RBFOX1: variants seen among roughly 807,000 people sequenced by gnomAD.
RBFOX1 encodes the protein RNA binding fox-1 homolog 1.
RBFOX1 carries 8 observed loss-of-function variants against 57.7 expected under a neutral mutation model. That is an observed-to-expected ratio of 0.14 (90% CI 0.08 to 0.25). The LOEUF (loss-of-function observed/expected upper bound fraction) is 0.25, where lower values mean the gene tolerates loss of function less well. Among genes scored for constraint, RBFOX1 ranks in the 10% least tolerant of loss-of-function variants. The probability of loss-of-function intolerance (pLI) is 1.00; values close to 1 mark genes in which losing one functional copy is unlikely to be tolerated. For missense variants in RBFOX1, 611 were observed against 548.5 expected (o/e 1.11, Z -1.14); for synonymous variants, 326 against 222.4 (o/e 1.47, Z -4.15).
chr16:6,303,249 G>T (rs962714446), intron 1 of RBFOX1, among the ~76,000 whole-genome samples: 1 of 152,054 alleles, frequency 6.6e-6, no homozygotes, highest in Non-Finnish European at 1.5e-5. Context: ...GATCACTTCA[G>T]TGCCATTTTC....
chr16:6,103,406 G>C (rs147638056), intron 1 of RBFOX1, among the ~76,000 whole-genome samples: 22 of 152,022 alleles, frequency 1.4e-4, no homozygotes, highest in African/African-American at 5.1e-4. Context: ...GATGTATCAC[G>C]GTCACACAAT....
intron 11 of RBFOX1, among the ~76,000 whole-genome samples, chr16:7,638,757 G>A (rs773082772): frequency 3.9e-5 from 6 of 152,118 alleles, no homozygotes; most frequent in Admixed American, 1.3e-4. Flanking sequence ...AAACATGAAT[G>A]AATAGGCGTG....
At chr16:5,893,884 C>T (rs747917853) in intron 4 of RBFOX1, among the ~76,000 whole-genome samples, 1 of 151,568 alleles carries the variant, frequency 6.6e-6, no homozygotes, top group African/African-American at 2.4e-5. Flanking sequence ...TAAACATAAA[C>T]AAGTAAAGTG....
intron 4 of RBFOX1, among the ~76,000 whole-genome samples, chr16:7,192,943 C>A (rs964339930): frequency 6.6e-6 from 1 of 152,206 alleles, no homozygotes; most frequent in Non-Finnish European, 1.5e-5. Flanking sequence ...AGAGAAAGAT[C>A]TCTTCCCCTC....
At chr16:7,115,578 C>A (rs2065721879) in intron 4 of RBFOX1, among the ~76,000 whole-genome samples, 1 of 152,134 alleles carries the variant, frequency 6.6e-6, no homozygotes, top group Non-Finnish European at 1.5e-5. Flanking sequence ...TGTTAGCAGG[C>A]TGGAAGTTTG....
intron 5 of RBFOX1, among the ~76,000 whole-genome samples, chr16:7,548,394 T>G (rs1762977290): frequency 6.6e-6 from 1 of 152,152 alleles, no homozygotes; most frequent in South Asian, 2.1e-4. Context: ...CAACCTCAGG[T>G]GATCCACCGG....
chr16:7,557,206 G>A (rs1175780395), intron 5 of RBFOX1, among the ~76,000 whole-genome samples: 2 of 152,110 alleles, frequency 1.3e-5, no homozygotes, highest in Admixed American at 1.3e-4. Context: ...CTCGAACCCA[G>A]GTGTTTCTTC....
chr16:6,062,749 GA>G (rs2095705578), intron 1 of RBFOX1, among the ~76,000 whole-genome samples: 1 of 151,320 alleles, frequency 6.6e-6, no homozygotes, highest in African/African-American at 2.4e-5. Context: ...GTATCTCTTT[GA>G]CTATCACTGT....
chr16:6,410,379 T>C (rs2093421182), intron 2 of RBFOX1, among the ~76,000 whole-genome samples: 1 of 146,108 alleles, frequency 6.8e-6, no homozygotes, highest in Non-Finnish European at 1.5e-5. Flanking sequence ...TGGCGCGAAC[T>C]TGACTCACTG....
intron 2 of RBFOX1, among the ~76,000 whole-genome samples, chr16:6,420,493 G>A (rs1018689194): frequency 6.6e-6 from 1 of 152,162 alleles, no homozygotes; most frequent in East Asian, 1.9e-4. Context: ...GTCTTTTGAA[G>A]AGATGTTAAG....
chr16:6,528,772 A>G (rs1292843256), intron 2 of RBFOX1, among the ~76,000 whole-genome samples: 1 of 152,150 alleles, frequency 6.6e-6, no homozygotes, highest in Non-Finnish European at 1.5e-5. Flanking sequence ...TACGATGGTT[A>G]GCAGCACCTT....
chr16:5,812,049 T>C (rs2055451268), intron 3 of RBFOX1, among the ~76,000 whole-genome samples: 1 of 152,198 alleles, frequency 6.6e-6, no homozygotes, highest in East Asian at 1.9e-4. Context: ...GAACGTAGTC[T>C]TTTGCACCTG....
At chr16:6,177,922 T>TAAAAAA (rs57642754) in intron 1 of RBFOX1, among the ~76,000 whole-genome samples, 3 of 140,026 alleles carry the variant, frequency 2.1e-5, no homozygotes, top group Non-Finnish European at 4.6e-5. Context: ...TCAGTGGGGG[T>TAAAAAA]AAAAAAAAAA....
intron 2 of RBFOX1, among the ~76,000 whole-genome samples, chr16:6,534,338 C>A (rs1022392237): frequency 1.3e-5 from 2 of 151,988 alleles, no homozygotes; most frequent in African/African-American, 2.4e-5. Flanking sequence ...AGAGTCCATG[C>A]TTTATGGTTC....
intron 4 of RBFOX1, among the ~76,000 whole-genome samples, chr16:7,274,558 T>G (rs1264340838): frequency 6.6e-6 from 1 of 152,194 alleles, no homozygotes; most frequent in Non-Finnish European, 1.5e-5. Flanking sequence ...ACACTAACCT[T>G]AAACTAATCA....
At chr16:6,986,153 A>C (rs1599215653) in intron 3 of RBFOX1, among the ~76,000 whole-genome samples, 1 of 120,562 alleles carries the variant, frequency 8.3e-6, no homozygotes, top group East Asian at 3.6e-4. Flanking sequence ...AATAACCCTT[A>C]TATACGTCTA....
intron 7 of RBFOX1, among the ~76,000 whole-genome samples, chr16:7,595,014 G>C (rs1157738063): frequency 6.6e-6 from 1 of 152,078 alleles, no homozygotes; most frequent in Non-Finnish European, 1.5e-5. Context: ...GAGAAGTAAA[G>C]GCTGTAGAAC....
intron 3 of RBFOX1, among the ~76,000 whole-genome samples, chr16:6,683,640 A>T (rs1486354935): frequency 6.6e-6 from 1 of 152,188 alleles, no homozygotes; most frequent in Non-Finnish European, 1.5e-5. Context: ...AACTGCATAG[A>T]CCAAATGGCT....
At chr16:7,273,172 C>T (rs1567985175) in intron 4 of RBFOX1, among the ~76,000 whole-genome samples, 2 of 95,728 alleles carry the variant, frequency 2.1e-5, no homozygotes, top group African/African-American at 4.6e-5. Context: ...TTTCCTCTCT[C>T]CCTCCCTTCC....
Sources: allele counts gnomAD v4.1 joint callset (sites outside exome capture counted in the v4.1 genomes callset), GRCh38; gene constraint gnomAD v4.1.1; transcripts MANE v1.5; gene names NCBI Gene and HGNC (gene_info 2026-07-23, HGNC 2026-07-21).